Variants in CCSER1 observed in about 807,000 individuals in gnomAD.
The protein encoded by CCSER1 is coiled-coil serine rich protein 1, also known as serine-rich coiled-coil domain-containing protein 1.
A neutral mutation model predicts 82.0 loss-of-function variants in CCSER1; 41 were observed. That is an observed-to-expected ratio of 0.50 (90% CI 0.39 to 0.65). CCSER1 has a LOEUF of 0.65. Ranked by LOEUF, CCSER1 falls within the 30% of genes least tolerant of loss-of-function variation. The pLI is 0.00. For missense variants in CCSER1, 1,119 were observed against 1,064.2 expected (o/e 1.05, Z -0.72); for synonymous variants, 414 against 383.9 (o/e 1.08, Z -0.92).
At chr4:90,355,497 A>G (rs7686462) in intron 3 of CCSER1, among the ~76,000 whole-genome samples, 13,990 of 152,028 alleles carry the variant, frequency 0.092, 1,061 homozygotes, top group East Asian at 0.31. Context: ...TTATGTATAT[A>G]AAATAAAATG....
chr4:90,955,419 G>C (rs538982840), intron 9 of CCSER1, among the ~76,000 whole-genome samples: 2 of 152,280 alleles, frequency 1.3e-5, no homozygotes, highest in African/African-American at 4.8e-5. Context: ...GGACCAATGA[G>C]TATAAATATC....
intron 7 of CCSER1, among the ~76,000 whole-genome samples, chr4:90,783,529 T>G (rs1754089531): frequency 6.6e-6 from 1 of 152,168 alleles, no homozygotes; most frequent in African/African-American, 2.4e-5. Context: ...GACTCTCACC[T>G]CTAGGGATCC....
intron 1 of CCSER1, among the ~76,000 whole-genome samples, chr4:90,275,653 A>G (rs961360739): frequency 6.6e-6 from 1 of 152,178 alleles, no homozygotes; most frequent in Non-Finnish European, 1.5e-5. Flanking sequence ...CATAGATTGT[A>G]TATTCATGAA....
Position 90,400,180 on chromosome 4 carries a change from A to G in CCSER1, c.1603+51A>G, listed in dbSNP as rs531557331. Reference sequence around the variant, plus strand: ...TCATACAACTCCTACCCTGGTCAGTAGCTTTCACTGATAGCCTAAACACTG... The same window carrying G: ...TCATACAACTCCTACCCTGGTCAGTGGCTTTCACTGATAGCCTAAACACTG... On this transcript the variant is annotated intron_variant, in intron 4 of 10. Coordinates refer to ENST00000509176, the MANE Select transcript of CCSER1 (RefSeq NM_001145065.2). The G allele has an allele frequency of 5.4e-5, 53 of 973,660 alleles. 2 individuals are homozygous for G. In the South Asian group the frequency reaches 8.4e-4, roughly 15 times the overall value. The allele number at this position is 973,660 out of a possible 1,614,324, so 60.3% of individuals were successfully genotyped here. A position where few individuals can be genotyped will look rare whatever the true frequency, so the allele number is the denominator to read the frequency against.
chr4:90,880,940 T>A (rs1465762942), intron 8 of CCSER1, among the ~76,000 whole-genome samples: 1 of 151,896 alleles, frequency 6.6e-6, no homozygotes, highest in African/African-American at 2.4e-5. Flanking sequence ...AGTACTTAGA[T>A]GTTTCAGTTG....
intron 4 of CCSER1, among the ~76,000 whole-genome samples, chr4:90,403,372 G>A (rs1038721811): frequency 5.3e-4 from 80 of 150,258 alleles, no homozygotes; most frequent in Admixed American, 2.3e-3. Flanking sequence ...AGTGGCGGGC[G>A]CCTGTAGTCC....
intron 10 of CCSER1, among the ~76,000 whole-genome samples, chr4:91,467,415 CA>C (rs1756983995): frequency 6.6e-6 from 1 of 152,144 alleles, no homozygotes; most frequent in Non-Finnish European, 1.5e-5. Context: ...AAATCCTAGG[CA>C]ATACCATTCA....
At chr4:90,945,107 T>G (rs1176523550) in intron 9 of CCSER1, among the ~76,000 whole-genome samples, 2 of 152,142 alleles carry the variant, frequency 1.3e-5, no homozygotes, top group Non-Finnish European at 2.9e-5. Flanking sequence ...TTTCCCTTCA[T>G]TTTTTCACTT....
intron 10 of CCSER1, among the ~76,000 whole-genome samples, chr4:91,205,613 C>T (rs1330551857): frequency 6.6e-6 from 1 of 150,514 alleles, no homozygotes; most frequent in Non-Finnish European, 1.5e-5. Flanking sequence ...CTTTCTTTTC[C>T]TTCCTCCTTC....
rs114403846 is a variant in CCSER1 at position 91,224,790 on chromosome 4, T to G, written c.2217+138796T>G. ...TATTTCCTTTCCAAATTCCTATCAT[T>G]TCTTCTCATTGTTACTATTTTTTTT... On this transcript the variant is annotated intron_variant, in intron 10 of 10. Transcript: ENST00000509176. Among the ~76,000 whole-genome samples, 1,132 of 152,106 alleles carry G rather than the reference T, an allele frequency of 7.4e-3. 11 individuals are homozygous for G. The highest frequency in any genetic ancestry group is 0.026 in the African/African-American group (1,081 of 41,558).
intron 7 of CCSER1, among the ~76,000 whole-genome samples, chr4:90,814,631 C>T (rs936099185): frequency 6.6e-5 from 10 of 152,138 alleles, no homozygotes; most frequent in Non-Finnish European, 7.3e-5. Flanking sequence ...TTTGCTGCTT[C>T]GAAATTTCTT....
intron 5 of CCSER1, among the ~76,000 whole-genome samples, chr4:90,484,258 T>C (rs1766602801): frequency 6.6e-6 from 1 of 152,194 alleles, no homozygotes; most frequent in African/African-American, 2.4e-5. Context: ...TTTGTTATTC[T>C]AGTTATCCAT....
intron 9 of CCSER1, chr4:90,938,869 A>T (rs1044059878): frequency 6.3e-6 from 1 of 159,204 alleles, no homozygotes; most frequent in African/African-American, 2.4e-5. Context: ...ATTACTTCAC[A>T]ATTTTTGCAT....
intron 4 of CCSER1, among the ~76,000 whole-genome samples, chr4:90,453,820 G>T (rs979229627): frequency 6.6e-6 from 1 of 152,156 alleles, no homozygotes; most frequent in South Asian, 2.1e-4. Context: ...AGAGAGAAGG[G>T]AGTGCCTGGA....
chr4:91,256,284 G>A (rs1015803093), intron 10 of CCSER1, among the ~76,000 whole-genome samples: 8 of 152,224 alleles, frequency 5.3e-5, no homozygotes, highest in African/African-American at 1.4e-4. Flanking sequence ...TAGTCAGACC[G>A]GTTCTCTGCT....
chr4:90,671,130 G>A (rs924734621), intron 6 of CCSER1, among the ~76,000 whole-genome samples: 5 of 152,046 alleles, frequency 3.3e-5, no homozygotes, highest in African/African-American at 1.2e-4. Flanking sequence ...TCTTTTTACT[G>A]ATGGAGAGTC....
intron 9 of CCSER1, among the ~76,000 whole-genome samples, chr4:91,072,146 T>C (rs1000525719): frequency 6.6e-6 from 1 of 152,156 alleles, no homozygotes; most frequent in Non-Finnish European, 1.5e-5. Context: ...ATTTAACTTA[T>C]GCAATGTACC....
intron 7 of CCSER1, among the ~76,000 whole-genome samples, chr4:90,725,192 A>G (rs1254743947): frequency 1.3e-5 from 2 of 151,810 alleles, no homozygotes; most frequent in African/African-American, 4.8e-5. Context: ...CTGAAGAAGC[A>G]TATCTTTAAC....
At chr4:91,222,804 G>A (rs1737857769) in intron 10 of CCSER1, among the ~76,000 whole-genome samples, 1 of 152,160 alleles carries the variant, frequency 6.6e-6, no homozygotes, top group South Asian at 2.1e-4. Context: ...AATGTAGTTA[G>A]TACAACTGGG....
Sources: gnomAD v4.1 joint callset for allele counts (sites outside exome capture counted in the v4.1 genomes callset) on GRCh38, gnomAD v4.1.1 for gene constraint, MANE v1.5 for transcripts, NCBI Gene and HGNC (gene_info 2026-07-23, HGNC 2026-07-21) for gene names.